Variants in RASSF5 observed in about 807,000 individuals in gnomAD.
RASSF5 encodes the protein Ras association domain family member 5.
In RASSF5, 25 loss-of-function variants were observed where a neutral mutation model predicts 40.5. The ratio of observed to expected loss-of-function variants is 0.62; its 90% CI spans 0.45 to 0.86. RASSF5 has a LOEUF of 0.86. RASSF5 is among the 40% of genes least tolerant of loss of function. RASSF5 has a pLI of 0.00. For missense variants in RASSF5, 521 were observed against 572.8 expected (o/e 0.91, Z 0.92); for synonymous variants, 246 against 252.4 (o/e 0.97, Z 0.24).
chr1:206,526,594 C>T (rs2103513591), intron 1 of RASSF5, among the ~76,000 whole-genome samples: 1 of 152,222 alleles, frequency 6.6e-6, no homozygotes, highest in Non-Finnish European at 1.5e-5. Context: ...TTGGCAATGG[C>T]TGCAGACCTC....
chr1:206,570,113 C>T (rs1311214859), intron 2 of RASSF5, among the ~76,000 whole-genome samples: 1 of 121,094 alleles, frequency 8.3e-6, no homozygotes, highest in Non-Finnish European at 1.6e-5. Flanking sequence ...TTCCCCAAGA[C>T]AGAGTCTCAA....
chr1:206,577,389 C>G lies in RASSF5; in HGVS notation c.580-5880C>G, dbSNP rs78298346. Among the ~76,000 whole-genome samples, 1,076 of 152,318 alleles carry G rather than the reference C, an allele frequency of 7.1e-3. 37 individuals are homozygous for G. In the East Asian group the frequency reaches 0.09, roughly 13 times the overall value. ...CTTTCCTGGGATGATAGTCACCATA[C>G]ATGCCTTTGAATGGGTTTGGTGATT... On this transcript the variant is annotated intron_variant, in intron 2 of 5. Transcript: ENST00000579436.
At chr1:206,553,105 G>T (rs552150761) in intron 2 of RASSF5, among the ~76,000 whole-genome samples, 2 of 152,168 alleles carry the variant, frequency 1.3e-5, no homozygotes, top group African/African-American at 2.4e-5. Context: ...AGGAGGCAGA[G>T]GCAGGAGAAT....
intron 2 of RASSF5, chr1:206,542,321 A>G (rs922231522): frequency 6.6e-6 from 1 of 152,192 alleles, no homozygotes; most frequent in Non-Finnish European, 1.5e-5. Flanking sequence ...CTCTCGCTCT[A>G]TTAGTTCACA....
chr1:206,572,364 A>T (rs1405016415), intron 2 of RASSF5, among the ~76,000 whole-genome samples: 4 of 152,120 alleles, frequency 2.6e-5, no homozygotes, highest in Non-Finnish European at 5.9e-5. Context: ...CTGGCCTTGG[A>T]GTGGCTGTGG....
intron 1 of RASSF5, among the ~76,000 whole-genome samples, chr1:206,536,394 A>T (rs1667394158): frequency 1.3e-5 from 2 of 152,186 alleles, no homozygotes; most frequent in African/African-American, 4.8e-5. Flanking sequence ...AAAGGTGGTC[A>T]GGCCATGGGT....
At chr1:206,571,232 A>T (rs1348844712) in intron 2 of RASSF5, 1 of 149,024 alleles carries the variant, frequency 6.7e-6, no homozygotes, top group Non-Finnish European at 1.5e-5. Context: ...TCATATATAG[A>T]TCTTCTTTAG....
At chr1:206,569,593 G>C (rs1281080135) in intron 2 of RASSF5, among the ~76,000 whole-genome samples, 3 of 152,212 alleles carry the variant, frequency 2.0e-5, no homozygotes, top group Non-Finnish European at 4.4e-5. Context: ...CTGGCCCTGT[G>C]ACAGCCATCT....
chr1:206,564,254 G>A (rs1465911709), intron 2 of RASSF5, among the ~76,000 whole-genome samples: 1 of 152,080 alleles, frequency 6.6e-6, no homozygotes, highest in Non-Finnish European at 1.5e-5. Context: ...CCTAGGGAGG[G>A]GTCAGAGAGA....
chr1:206,526,284 G>GTGTGTGTGTGTGTGTA (rs1667095212), intron 1 of RASSF5, among the ~76,000 whole-genome samples: 1 of 151,982 alleles, frequency 6.6e-6, no homozygotes, highest in South Asian at 2.1e-4. Flanking sequence ...GTGTGTGTGT[G>GTGTGTGTGTGTGTGTA]TGTGTGTGTT....
At chr1:206,558,470 C>T (rs1668053650) in intron 2 of RASSF5, among the ~76,000 whole-genome samples, 1 of 151,930 alleles carries the variant, frequency 6.6e-6, no homozygotes, top group Non-Finnish European at 1.5e-5. Context: ...TGAGAGGGCT[C>T]CAAGCCAGGT....
At chr1:206,570,077 CCTTTTT>C (rs1249250683) in intron 2 of RASSF5, among the ~76,000 whole-genome samples, 4 of 106,964 alleles carry the variant, frequency 3.7e-5, no homozygotes, top group African/African-American at 1.1e-4. Flanking sequence ...ATAAAATTTA[CCTTTTT>C]TTTTTTTTTT....
chr1:206,532,875 A>G (rs1377160886), intron 1 of RASSF5, among the ~76,000 whole-genome samples: 4 of 152,148 alleles, frequency 2.6e-5, no homozygotes, highest in African/African-American at 9.7e-5. Flanking sequence ...AGGGTTTCTT[A>G]TCAACAGAAT....
At chr1:206,585,488 G>A (rs1281794772) in intron 5 of RASSF5, 193 bp downstream of exon 5, 8 of 528,214 alleles carry the variant, frequency 1.5e-5, no homozygotes, top group African/African-American at 1.3e-4. Context: ...ACACCCTGGG[G>A]TAGCACATTA....
At position 206,508,073 on chromosome 1, in the gene RASSF5, C is replaced by A. The variant is rs972923055; in HGVS notation, c.457+14C>A. 1 of 1,368,822 alleles carries A rather than the reference C, an allele frequency of 7.3e-7. No homozygotes were observed. Among genetic ancestry groups the A allele is most frequent in the Non-Finnish European group, 9.4e-7 (1 of 1,060,924 alleles). The allele number at this position is 1,368,822 out of a possible 1,614,324, so 84.8% of individuals were successfully genotyped here. On this transcript the variant is annotated intron_variant, in intron 1 of 5. Coordinates refer to ENST00000579436, the MANE Select transcript of RASSF5 (RefSeq NM_182663.4). ...TGCGCTGCACTAGTAAGTGTGAAGG[C>A]AGGGGAGGGGCGTGCGGGGAGACCG... is the stretch of plus-strand genomic sequence containing the variant.
chr1:206,554,521 C>T (rs1553401485), intron 2 of RASSF5, among the ~76,000 whole-genome samples: 1 of 152,210 alleles, frequency 6.6e-6, no homozygotes, highest in Non-Finnish European at 1.5e-5. Context: ...GGATTTAGGG[C>T]TCTGGCTGCT....
chr1:206,556,722 A>C (rs1486049132), intron 2 of RASSF5, among the ~76,000 whole-genome samples: 4 of 152,188 alleles, frequency 2.6e-5, no homozygotes, highest in Non-Finnish European at 4.4e-5. Flanking sequence ...TTCTTCTGGC[A>C]TTTCCAACTT....
At chr1:206,536,411 G>A (rs1344301457) in intron 1 of RASSF5, among the ~76,000 whole-genome samples, 5 of 152,172 alleles carry the variant, frequency 3.3e-5, no homozygotes, top group Admixed American at 2.0e-4. Context: ...GGGTAGGAAG[G>A]TCGTGCGGTT....
chr1:206,581,211 A>C (rs1304673385), intron 2 of RASSF5: 1 of 152,250 alleles, frequency 6.6e-6, no homozygotes, highest in African/African-American at 2.4e-5. Context: ...GGTATGTGAA[A>C]GTACCCAGCA....
Sources: allele counts gnomAD v4.1 joint callset (sites outside exome capture counted in the v4.1 genomes callset), GRCh38; gene constraint gnomAD v4.1.1; transcripts MANE v1.5; gene names NCBI Gene and HGNC (gene_info 2026-07-23, HGNC 2026-07-21).